The following COQ8A variants were observed in gnomAD, a reference collection of about 807,000 sequenced individuals.
COQ8A encodes the protein atypical kinase COQ8A, mitochondrial.
COQ8A carries 51 observed loss-of-function variants against 65.0 expected under a neutral mutation model. That is an observed-to-expected ratio of 0.78 (90% CI 0.63 to 0.99). COQ8A has a LOEUF of 0.99. COQ8A is among the 50% of genes least tolerant of loss of function. The probability of loss-of-function intolerance (pLI) is 0.00; values close to 1 mark genes in which losing one functional copy is unlikely to be tolerated. For missense variants in COQ8A, 940 were observed against 875.0 expected (o/e 1.07, Z -0.94); for synonymous variants, 371 against 353.2 (o/e 1.05, Z -0.57).
chr1:226,967,748 AAGCCTCTGG>A (rs890500032), intron 4 of COQ8A, among the ~76,000 whole-genome samples: 40 of 152,232 alleles, frequency 2.6e-4, no homozygotes, highest in African/African-American at 8.9e-4. Context: ...GTAGCATCAG[AAGCCTCTGG>A]AGCCTTTGCT....
In COQ8A at chr1:226,983,769, C is replaced by G; in HGVS notation, c.1171C>G (p.Pro391Ala). 6.2e-7 allele frequency: 1 copy of G among 1,613,132 alleles called. No homozygotes were observed. The change falls in exon 10 of 15, where the codon CCC becomes GCC. Residue 391 changes from proline to alanine, a missense_variant. Pro to Ala is a conservative substitution (Grantham distance 27). Transcript: ENST00000366777. ...CCTCCTCCCTGGCCCAGGCCTGTTC[C>G]CCGAGCACCTGATCGACGTGCTGAG... The part of the protein sequence containing the change: ...MSNMLPEGLF[P>A]EHLIDVLRRE...
chr1:226,947,596 C>T (rs1322983854), intron 1 of COQ8A, among the ~76,000 whole-genome samples: 12 of 152,070 alleles, frequency 7.9e-5, no homozygotes, highest in African/African-American at 1.7e-4. Flanking sequence ...CACTTGAGGT[C>T]GGGGGTTCGA....
chr1:226,972,492 A>G lies in COQ8A; in HGVS notation c.656-4957A>G, dbSNP rs1479429440. 6.6e-6 allele frequency among the ~76,000 whole-genome samples: 1 copy of G among 152,202 alleles called. No individual in the cohort carries two copies. Among genetic ancestry groups the G allele is most frequent in the Non-Finnish European group, 1.5e-5 (1 of 68,040 alleles). ...AAAAGGTTGGGGGTCCCTTACTCCC[A>G]GAAAAATACTTTGCTTTTAAATATA... On this transcript the variant is annotated intron_variant, in intron 4 of 14. Transcript: ENST00000366777. The surrounding 1 kb of genome is among the most constrained non-coding windows in gnomAD (Gnocchi z 4.3).
chr1:226,971,874 G>A (rs1270140522), intron 4 of COQ8A, among the ~76,000 whole-genome samples: 2 of 152,136 alleles, frequency 1.3e-5, no homozygotes, highest in Non-Finnish European at 2.9e-5. Flanking sequence ...AGAGCATCTT[G>A]AACTGTGGCT....
intron 2 of COQ8A, among the ~76,000 whole-genome samples, chr1:226,962,121 C>T (rs1046524097): frequency 7.9e-5 from 12 of 152,222 alleles, no homozygotes; most frequent in Admixed American, 3.3e-4. Flanking sequence ...GCTCAGCCTT[C>T]GAAGGCCCTT....
intron 8 of COQ8A, 112 bp from the exon 9 acceptor site, chr1:226,983,440 G>A (rs1659839223): frequency 3.0e-6 from 3 of 998,260 alleles, no homozygotes; most frequent in Admixed American, 1.9e-5. Context: ...TCCAGGGTGT[G>A]GGCTGGGGCC....
chr1:226,978,556 C>CA lies in COQ8A; in HGVS notation c.730+1033_730+1034insA, dbSNP rs1558201621. On this transcript the variant is annotated intron_variant, in intron 5 of 14. Coordinates refer to ENST00000366777, the MANE Select transcript of COQ8A (RefSeq NM_020247.5). The stretch of plus-strand genomic sequence containing the variant: ...TGCACCTCCTTACCCTCCACACACC[C>CA]CCCACAGCCACACACCACCTTACAC... 3.9e-3 allele frequency among the ~76,000 whole-genome samples: 376 copies of CA among 95,988 alleles called. 8 individuals are homozygous for CA. Among genetic ancestry groups the CA allele is most frequent in the Non-Finnish European group, 5.6e-3 (201 of 35,584 alleles). The allele number at this position is 95,988 out of a possible 152,430, so 63.0% of individuals were successfully genotyped here. A position where few individuals can be genotyped will look rare whatever the true frequency, so the allele number is the denominator to read the frequency against.
intron 1 of COQ8A, among the ~76,000 whole-genome samples, chr1:226,960,476 CAGTGGTACTTGGTGGTGGT>C (rs1658160279): frequency 6.2e-5 from 1 of 16,042 alleles, no homozygotes; most frequent in African/African-American, 2.0e-4. Flanking sequence ...GTGGTGGTGG[CAGTGGTACTTGGTGGTGGT>C]GGTGGTGCTT....
Position 226,981,780 on chromosome 1 carries a change from G to A in COQ8A, c.731-247G>A, listed in dbSNP as rs78769374. 5.9e-4 allele frequency among the ~76,000 whole-genome samples: 90 copies of A among 152,326 alleles called. No individual in the cohort carries two copies. In the East Asian group the frequency reaches 9.8e-3, roughly 17 times the overall value. ...AGGGAGAGGCCCTTTGTGTGTGTGC[G>A]TTTGTGTGTGCACATATGTACGTGT... On this transcript the variant is annotated intron_variant, in intron 5 of 14. Transcript: ENST00000366777.
intron 1 of COQ8A, among the ~76,000 whole-genome samples, chr1:226,960,071 GTGGTACTTGGTGGTGGTGGTGGTGA>G (rs1475751224): frequency 3.3e-5 from 5 of 151,170 alleles, no homozygotes; most frequent in African/African-American, 7.3e-5. Context: ...GGTGGTAGTG[GTGGTACTTGGTGGTGGTGGTGGTGA>G]TGGTACTTGG....
In COQ8A at chr1:226,982,155, T is replaced by C. The variant is rs1218568371; in HGVS notation, c.853+6T>C. ...CCAGATGCTGAGCATCCAGGGTGAG[T>C]GGGCGCGGGGGCTGCTGCCCCGGGA... On this transcript the variant is annotated splice_donor_region_variant and intron_variant, in intron 6 of 14. Coordinates refer to ENST00000366777, the MANE Select transcript of COQ8A (RefSeq NM_020247.5). 4 of 1,576,464 alleles carry C rather than the reference T, an allele frequency of 2.5e-6. No individual in the cohort carries two copies. In the South Asian group the frequency reaches 4.6e-5, roughly 18 times the overall value.
intron 12 of COQ8A, 104 bp from the exon 13 acceptor site, chr1:226,984,772 G>T (rs1659974594): frequency 6.7e-7 from 1 of 1,486,192 alleles, no homozygotes; most frequent in Non-Finnish European, 9.4e-7. Flanking sequence ...CAGGGCTCTG[G>T]GAGTGGGGAT....
At position 226,985,260 on chromosome 1, in the gene COQ8A, A is replaced by G. The variant is rs767666963; in HGVS notation, c.1579A>G (p.Arg527Gly). 6.2e-7 allele frequency: 1 copy of G among 1,613,534 alleles called. No individual in the cohort carries two copies. The highest frequency in any genetic ancestry group is 1.1e-5 in the South Asian group (1 of 91,084). The change falls in exon 14 of 15, where the codon AGG (arginine) becomes GGG (glycine). Residue 527 changes from arginine (R) to glycine (G), a missense_variant. Arg to Gly is a moderately radical substitution (Grantham distance 125). Transcript: ENST00000366777. The stretch of plus-strand genomic sequence containing the variant: ...CTCCTGTGCCTCTCCCCAGATCATC[A>G]GGGCTGCTGCCGACAGGGACAGGGA... ...SFTDLYIQII[R>G]AAADRDRETV...
At chr1:226,960,634 GT>G (rs1468288477) in intron 1 of COQ8A, among the ~76,000 whole-genome samples, 2 of 147,502 alleles carry the variant, frequency 1.4e-5, no homozygotes, top group Admixed American at 1.4e-4. Flanking sequence ...GGTGGTGGTG[GT>G]GGTGGTAGTG....
chr1:226,959,709 G>T (rs1658034457), intron 1 of COQ8A, among the ~76,000 whole-genome samples: 1 of 152,172 alleles, frequency 6.6e-6, no homozygotes, highest in Non-Finnish European at 1.5e-5. Flanking sequence ...TCCCCTATTG[G>T]GCCCTCCTTC....
At chr1:226,956,314 T>C (rs1657754602) in intron 1 of COQ8A, among the ~76,000 whole-genome samples, 1 of 116,436 alleles carries the variant, frequency 8.6e-6, no homozygotes, top group African/African-American at 3.9e-5. Context: ...TCTCCCTGGC[T>C]CTCACTCTCC....
chr1:226,948,649 C>T (rs1238303160), intron 1 of COQ8A, among the ~76,000 whole-genome samples: 4 of 152,156 alleles, frequency 2.6e-5, no homozygotes, highest in Non-Finnish European at 4.4e-5. Flanking sequence ...ATTCAGTCAA[C>T]GCTTGCGCTT....
At chr1:226,980,938 T>C (rs1277696313) in intron 5 of COQ8A, among the ~76,000 whole-genome samples, 1 of 152,222 alleles carries the variant, frequency 6.6e-6, no homozygotes, top group East Asian at 1.9e-4. Flanking sequence ...CTTCCCCTGC[T>C]GGGGACCTGG....
chr1:226,984,444 G>C, intron 11 of COQ8A, 104 bp from the exon 12 acceptor site: 2 of 1,296,428 alleles, frequency 1.5e-6, no homozygotes, highest in Non-Finnish European at 2.2e-6. Context: ...CAGTCCCTAG[G>C]GTAGGGTGGG....
Sources: allele counts gnomAD v4.1 joint callset (sites outside exome capture counted in the v4.1 genomes callset), GRCh38; gene constraint gnomAD v4.1.1; non-coding constraint Gnocchi (gnomAD v3.1); transcripts MANE v1.5; gene names NCBI Gene and HGNC (gene_info 2026-07-23, HGNC 2026-07-21).